Variants in ZNF776 observed in about 807,000 individuals in gnomAD.
ZNF776 encodes zinc finger protein 776.
A neutral mutation model predicts 7.0 loss-of-function variants in ZNF776; 4 were observed. The ratio of observed to expected loss-of-function variants is 0.57; its 90% CI spans 0.28 to 1.31. The LOEUF is 1.31. ZNF776 is among the 50% of genes most tolerant of loss of function. ZNF776 has a pLI of 0.10. For synonymous variants in ZNF776, 212 were observed against 213.7 expected, an observed-to-expected ratio of 0.99 and a Z score of 0.07; for missense variants, 555 against 625.9, an observed-to-expected ratio of 0.89 and a Z score of 1.21.
rs1175466126 is a variant in ZNF776 at position 57,756,766 on chromosome 19, C to T, written c.*2079C>T. 2.6e-6 allele frequency: 1 copy of T among 385,904 alleles called. No individual in the cohort carries two copies. Among genetic ancestry groups the T allele is most frequent in the Non-Finnish European group, 5.2e-6 (1 of 194,158 alleles). 23.9% of individuals were successfully genotyped at this position (385,904 alleles called of 1,614,324 possible). ...TGGTGAGGGAAATCTGTTCTCAAGT[C>T]CTACAGTGCATTCATGTGTCCTGAA... On this transcript the variant is annotated 3_prime_UTR_variant, in exon 3 of 3. Transcript: ENST00000317178.
At chr19:57,747,953 C>T (rs1986488793) in intron 1 of ZNF776, among the ~76,000 whole-genome samples, 1 of 151,680 alleles carries the variant, frequency 6.6e-6, no homozygotes. Context: ...CCATTTCTGT[C>T]AACCAGTATA....
chr19:57,753,247 C>T (rs1196007156), intron 2 of ZNF776, 44 bp from the exon 3 acceptor site: 1 of 1,558,328 alleles, frequency 6.4e-7, no homozygotes, highest in Admixed American at 1.8e-5. Context: ...TAATACTTCC[C>T]TTCGGAAGTA....
chr19:57,748,853 G>A (rs1986519563), intron 1 of ZNF776, among the ~76,000 whole-genome samples: 2 of 152,156 alleles, frequency 1.3e-5, no homozygotes, highest in Admixed American at 6.5e-5. Context: ...CAAGATTTGA[G>A]ATGACTTTGG....
At position 57,746,899 on chromosome 19, in the gene ZNF776, A is replaced by G. The variant is rs1288927461; in HGVS notation, c.-160A>G. ...TCGTGTAGAAGTGACTGAACCCAGA[A>G]GGTGGAGACGAGACGTTGTCCCGAC... On this transcript the variant is annotated 5_prime_UTR_variant, in exon 1 of 3. Coordinates refer to ENST00000317178, the MANE Select transcript of ZNF776 (RefSeq NM_173632.4). The G allele has an allele frequency of 3.2e-6, 2 of 632,468 alleles. No individual in the cohort carries two copies. The highest frequency in any genetic ancestry group is 5.3e-6 in the Non-Finnish European group (2 of 374,246). The allele number at this position is 632,468 out of a possible 1,614,324, so 39.2% of individuals were successfully genotyped here.
Position 57,756,430 on chromosome 19 carries a change from G to GTTCTGGTACCATGAAGGA in ZNF776, c.*1759_*1776dup, listed in dbSNP as rs1289904165. 1 of 153,352 alleles carries GTTCTGGTACCATGAAGGA rather than the reference G, an allele frequency of 6.5e-6. No individual in the cohort carries two copies. 9.5% of individuals were successfully genotyped at this position (153,352 alleles called of 1,614,324 possible). A position where few individuals can be genotyped will look rare whatever the true frequency, so the allele number is the denominator to read the frequency against. Reference sequence around the variant, plus strand: ...CATTGTGTGGCTTAGATACAACATGGTTCTGGTACCATGAAGGATTCTGGT... The same window carrying GTTCTGGTACCATGAAGGA: ...CATTGTGTGGCTTAGATACAACATGGTTCTGGTACCATGAAGGATTCTGGTACCATGAAGGATTCTGGT... On this transcript the variant is annotated 3_prime_UTR_variant, in exon 3 of 3. Coordinates refer to ENST00000317178, the MANE Select transcript of ZNF776 (RefSeq NM_173632.4).
Position 57,747,103 on chromosome 19 carries a change from G to T in ZNF776, c.33+12G>T. The T allele has an allele frequency of 6.3e-7, 1 of 1,585,898 alleles. No homozygotes were observed. Among genetic ancestry groups the T allele is most frequent in the Non-Finnish European group, 8.6e-7 (1 of 1,166,344 alleles). Reference sequence around the variant, plus strand: ...GGCCCCCGGCTCAGGTAATTGTGGCGTCTTCCGTGCCCTCAGGTCACCTCA... The same window carrying T: ...GGCCCCCGGCTCAGGTAATTGTGGCTTCTTCCGTGCCCTCAGGTCACCTCA... On this transcript the variant is annotated intron_variant, in intron 1 of 2. Transcript: ENST00000317178.
chr19:57,753,503 G>A lies in ZNF776; in HGVS notation c.373G>A (p.Asp125Asn), dbSNP rs755162710. 20 of 1,614,054 alleles carry A rather than the reference G, an allele frequency of 1.2e-5. No homozygotes were observed. The South Asian group carries it at 2.2e-4, about 18-fold the overall frequency. Residue 125 changes from aspartate (D) to asparagine (N), a missense_variant, in exon 3 of 3, where the codon GAC becomes AAC. Transcript: ENST00000317178. ...TGGGGCATATGAAAAAAAATTGGAT[G>A]ACGATGCAAACCATCATCAAGACCA... ...GFGAYEKKLD[D>N]DANHHQDQKQ...
At chr19:57,747,128 A>G (rs755736393) in intron 1 of ZNF776, 37 bp downstream of exon 1, 2 of 1,567,288 alleles carry the variant, frequency 1.3e-6, no homozygotes, top group Middle Eastern at 1.7e-4. Flanking sequence ...AGGTCACCTC[A>G]TCTTTACCTA....
rs767425021 is a variant in ZNF776, at chr19:57,750,903, C to T, written c.152C>T (p.Ser51Phe). The T allele has an allele frequency of 2.5e-6, 4 of 1,609,726 alleles. No individual in the cohort carries two copies. Among genetic ancestry groups the T allele is most frequent in the African/African-American group, 2.7e-5 (2 of 74,832 alleles). ...ATGCTGGAGAACCTGACACTTATAT[C>T]TTCTCTAGGTAAGGCACTCACACTC... ...DVMLENLTLISSLGCWYGAKD... is the reference protein window; with the variant it reads ...DVMLENLTLIFSLGCWYGAKD... Residue 51 changes from serine (S) to phenylalanine (F), a missense_variant, in exon 2 of 3, where the codon TCT becomes TTT. Ser to Phe is a radical substitution (Grantham distance 155). Coordinates refer to ENST00000317178, the MANE Select transcript of ZNF776 (RefSeq NM_173632.4).
At position 57,756,623 on chromosome 19, in the gene ZNF776, AT is replaced by A. The variant is rs780119521; in HGVS notation, c.*1937del. ...TTTTTAGATGAAATAGTGCAATAATATGTGTTTTCATAAATCAACCTGAGTA... is the reference window on the plus strand; with the variant it reads ...TTTTTAGATGAAATAGTGCAATAATAGTGTTTTCATAAATCAACCTGAGTA... On this transcript the variant is annotated 3_prime_UTR_variant, in exon 3 of 3. Transcript: ENST00000317178. The A allele has an allele frequency of 9.2e-5, 17 of 184,012 alleles. No homozygotes were observed. The highest frequency in any genetic ancestry group is 1.8e-4 in the Non-Finnish European group (15 of 85,278). 11.4% of individuals were successfully genotyped at this position (184,012 alleles called of 1,614,324 possible).
rs1986450488 is a variant in ZNF776, at chr19:57,746,977, A to G, written c.-82A>G. The G allele has an allele frequency of 9.2e-6, 13 of 1,411,516 alleles. No individual in the cohort carries two copies. The highest frequency in any genetic ancestry group is 1.8e-4 in the Middle Eastern group (1 of 5,544). 87.4% of individuals were successfully genotyped at this position (1,411,516 alleles called of 1,614,324 possible). A position where few individuals can be genotyped will look rare whatever the true frequency, so the allele number is the denominator to read the frequency against. On this transcript the variant is annotated 5_prime_UTR_variant, in exon 1 of 3. Transcript: ENST00000317178. ...AAAGGCGCTAGGCGTGACCCGCACC[A>G]AGGCCGGGATCGGGACCACCGTGCC...
rs768909450 is a variant in ZNF776, at chr19:57,754,053, T to C, written c.923T>C (p.Val308Ala). 1.9e-6 allele frequency: 3 copies of C among 1,613,594 alleles called. No homozygotes were observed. Among genetic ancestry groups the C allele is most frequent in the Admixed American group, 1.7e-5 (1 of 59,962 alleles). Reference sequence around the variant, plus strand: ...TCTTTTAGTCATAAGCACAGTCTTGTTGACCATCAGCGAGTTCACACTGGA... The same window carrying C: ...TCTTTTAGTCATAAGCACAGTCTTGCTGACCATCAGCGAGTTCACACTGGA... ...DKSFSHKHSL[V>A]DHQRVHTGER... Residue 308 changes from valine (V) to alanine (A), a missense_variant, in exon 3 of 3, where the codon GTT (valine) becomes GCT (alanine). Val to Ala is a moderately conservative substitution (Grantham distance 64). Coordinates refer to ENST00000317178, the MANE Select transcript of ZNF776 (RefSeq NM_173632.4).
intron 1 of ZNF776, among the ~76,000 whole-genome samples, chr19:57,747,483 C>T (rs947991155): frequency 1.3e-5 from 2 of 152,144 alleles, no homozygotes; most frequent in African/African-American, 4.8e-5. Context: ...TAAAGGTTTC[C>T]CAAAGTCCAG....
chr19:57,754,461 AGGG>A lies in ZNF776; in HGVS notation c.1332_1334del (p.Lys444_Gly445delinsAsn), dbSNP rs1986709266. ...GAATGTGGGAAATGTTTTCATCAAA[AGGG>A]CAGTCTCATTCAACATCAGCAGATC... On this transcript the variant is annotated inframe_deletion, in exon 3 of 3. Transcript: ENST00000317178. The A allele has an allele frequency of 6.2e-7, 1 of 1,614,074 alleles. No individual in the cohort carries two copies. Among genetic ancestry groups the A allele is most frequent in the Non-Finnish European group, 8.5e-7 (1 of 1,180,030 alleles).
intron 1 of ZNF776, among the ~76,000 whole-genome samples, chr19:57,748,820 A>G (rs1986518565): frequency 6.6e-6 from 1 of 152,166 alleles, no homozygotes; most frequent in Admixed American, 6.5e-5. Flanking sequence ...CCAGAGTGGT[A>G]CTTATTCACC....
intron 1 of ZNF776, among the ~76,000 whole-genome samples, chr19:57,750,158 T>C (rs904066940): frequency 6.6e-5 from 10 of 151,946 alleles, no homozygotes; most frequent in African/African-American, 2.4e-4. Context: ...GCACAGTGGC[T>C]CATGCCTGTA....
At chr19:57,751,863 G>GTTTTTTTT (rs1256893730) in intron 2 of ZNF776, among the ~76,000 whole-genome samples, 1 of 63,360 alleles carries the variant, frequency 1.6e-5, no homozygotes, top group Non-Finnish European at 3.0e-5. Context: ...TGTATTTTTG[G>GTTTTTTTT]TTTTGTTTTT....
rs1986804032 is a variant in ZNF776, at chr19:57,757,249, G to A, written c.*2562G>A. Reference sequence around the variant, plus strand: ...CCACAATGATTCAGTCACTATGTCTGTGATGGACAAGCAGGTACAGAAATT... The same window carrying A: ...CCACAATGATTCAGTCACTATGTCTATGATGGACAAGCAGGTACAGAAATT... On this transcript the variant is annotated 3_prime_UTR_variant, in exon 3 of 3. Coordinates refer to ENST00000317178, the MANE Select transcript of ZNF776 (RefSeq NM_173632.4). 6.4e-6 allele frequency: 1 copy of A among 155,558 alleles called. No individual in the cohort carries two copies. The highest frequency in any genetic ancestry group is 6.5e-5 in the Admixed American group (1 of 15,502). The allele number at this position is 155,558 out of a possible 1,614,324, so 9.6% of individuals were successfully genotyped here.
At chr19:57,749,085 C>T (rs1986527313) in intron 1 of ZNF776, 2 of 152,250 alleles carry the variant, frequency 1.3e-5, no homozygotes, top group African/African-American at 2.4e-5. Flanking sequence ...TCTCCTGCCT[C>T]AGCCTCCCGG....
Sources: gnomAD v4.1 joint callset for allele counts (sites outside exome capture counted in the v4.1 genomes callset) on GRCh38, gnomAD v4.1.1 for gene constraint, MANE v1.5 for transcripts, NCBI Gene and HGNC (gene_info 2026-07-23, HGNC 2026-07-21) for gene names.